Variants in PPP2R3A observed in about 807,000 individuals in gnomAD.
The protein encoded by PPP2R3A is protein phosphatase 2 regulatory subunit B''alpha.
PPP2R3A carries 80 observed loss-of-function variants against 106.9 expected under a neutral mutation model. The ratio of observed to expected loss-of-function variants is 0.75; its 90% CI spans 0.62 to 0.90. The LOEUF (loss-of-function observed/expected upper bound fraction) is 0.90, where lower values mean the gene tolerates loss of function less well. Ranked by LOEUF, PPP2R3A falls within the 40% of genes least tolerant of loss-of-function variation. The probability of loss-of-function intolerance (pLI) is 0.00; values close to 1 mark genes in which losing one functional copy is unlikely to be tolerated. For synonymous variants in PPP2R3A, 483 were observed against 468.3 expected (o/e 1.03, Z -0.41); for missense variants, 1,386 against 1,350.4 (o/e 1.03, Z -0.41).
chr3:136,073,611 G>C (rs1936508790), intron 6 of PPP2R3A, among the ~76,000 whole-genome samples: 1 of 152,134 alleles, frequency 6.6e-6, no homozygotes, highest in Non-Finnish European at 1.5e-5. Flanking sequence ...AACATAAATA[G>C]TAAACAAGAC....
At chr3:136,129,722 A>C (rs1044639002) in intron 13 of PPP2R3A, among the ~76,000 whole-genome samples, 2 of 152,212 alleles carry the variant, frequency 1.3e-5, no homozygotes, top group Non-Finnish European at 2.9e-5. Flanking sequence ...AAAAAATGAG[A>C]ATTTCCGGCC....
chr3:136,136,058 AAAAAAAAAAAAAAAATTAT>A (rs1195461756), intron 13 of PPP2R3A, among the ~76,000 whole-genome samples: 2 of 47,214 alleles, frequency 4.2e-5, no homozygotes, highest in Non-Finnish European at 1.2e-4. Flanking sequence ...AAAAAAAAAA[AAAAAAAAAAAAAAAATTAT>A]ATATATATAT....
chr3:136,065,471 TATG>T (rs900568571), intron 5 of PPP2R3A, among the ~76,000 whole-genome samples: 26 of 152,080 alleles, frequency 1.7e-4, no homozygotes, highest in Admixed American at 2.6e-4. Context: ...ACGTTTTTAT[TATG>T]GAGAATTTTG....
chr3:136,087,733 T>G, intron 8 of PPP2R3A, 150 bp from the exon 9 acceptor site: 1 of 523,862 alleles, frequency 1.9e-6, no homozygotes, highest in African/African-American at 1.9e-5. Context: ...ATATTAAAAT[T>G]ATGCGTAAAT....
intron 12 of PPP2R3A, 33 bp downstream of exon 12, chr3:136,103,409 C>A: frequency 6.8e-7 from 1 of 1,460,020 alleles, no homozygotes; most frequent in Non-Finnish European, 9.6e-7. Context: ...TATTTGAGGG[C>A]TGCAGTGTCA....
intron 6 of PPP2R3A, among the ~76,000 whole-genome samples, chr3:136,071,888 G>C (rs1039102302): frequency 6.6e-6 from 1 of 152,100 alleles, no homozygotes; most frequent in African/African-American, 2.4e-5. Context: ...TGCTTGGAAT[G>C]TTCTTCCTAC....
At chr3:135,989,678 T>A (rs952234305) in intron 1 of PPP2R3A, among the ~76,000 whole-genome samples, 1 of 152,158 alleles carries the variant, frequency 6.6e-6, no homozygotes, top group African/African-American at 2.4e-5. Flanking sequence ...TCTCATTTGC[T>A]TGTTGCTTGC....
chr3:136,041,246 TTTTGTTTTTTTTTTTG>T (rs1472417890), intron 4 of PPP2R3A, among the ~76,000 whole-genome samples: 1 of 67,642 alleles, frequency 1.5e-5, no homozygotes, highest in African/African-American at 5.9e-5. Context: ...TTGTTTTTTT[TTTTGTTTTTTTTTTTG>T]TTTTTTTTTT....
At chr3:136,137,413 G>A (rs1938661259) in intron 13 of PPP2R3A, among the ~76,000 whole-genome samples, 1 of 151,750 alleles carries the variant, frequency 6.6e-6, no homozygotes, top group Admixed American at 6.6e-5. Context: ...TTCTCAAGCA[G>A]TAACTCACAT....
intron 2 of PPP2R3A, among the ~76,000 whole-genome samples, chr3:136,023,992 A>G (rs1198941502): frequency 6.6e-6 from 1 of 152,204 alleles, no homozygotes; most frequent in Non-Finnish European, 1.5e-5. Context: ...ATAATCTCAA[A>G]TTATTTGGGT....
chr3:136,023,164 G>A (rs148564742), intron 2 of PPP2R3A: 76 of 1,613,426 alleles, frequency 4.7e-5, no homozygotes, highest in Non-Finnish European at 5.5e-5. Flanking sequence ...CTCCCTTCAC[G>A]GTTTAAGAAG....
At chr3:136,130,108 G>T (rs950677177) in intron 13 of PPP2R3A, among the ~76,000 whole-genome samples, 1 of 152,150 alleles carries the variant, frequency 6.6e-6, no homozygotes, top group Admixed American at 6.5e-5. Context: ...ACCGGCACGA[G>T]ACAAGGATGC....
At chr3:136,029,992 G>A (rs532417465) in intron 3 of PPP2R3A, among the ~76,000 whole-genome samples, 35 of 152,276 alleles carry the variant, frequency 2.3e-4, no homozygotes, top group African/African-American at 7.5e-4. Context: ...CAGGAGAATC[G>A]CTTGAGCCTG....
At chr3:135,974,254 CTT>C (rs1432029916) in intron 1 of PPP2R3A, among the ~76,000 whole-genome samples, 1 of 152,164 alleles carries the variant, frequency 6.6e-6, no homozygotes, top group Non-Finnish European at 1.5e-5. Context: ...CTTATTGACT[CTT>C]ATTTCCTTGG....
chr3:136,070,618 C>A, intron 6 of PPP2R3A, 66 bp downstream of exon 6: 1 of 1,344,582 alleles, frequency 7.4e-7, no homozygotes, highest in Non-Finnish European at 1.0e-6. Flanking sequence ...CATCTGCTAT[C>A]CAGAATTTCA....
At chr3:136,066,626 A>G (rs6771950) in intron 5 of PPP2R3A, among the ~76,000 whole-genome samples, 55,775 of 152,000 alleles carry the variant, frequency 0.37, 11,818 homozygotes, top group African/African-American at 0.59. Flanking sequence ...CAATCATGGC[A>G]GAAGGACAAG....
chr3:136,077,750 C>G lies in PPP2R3A; in HGVS notation c.2545-617C>G, dbSNP rs1239147687. 7.9e-5 allele frequency among the ~76,000 whole-genome samples: 12 copies of G among 152,278 alleles called. 1 individual carries two copies. In the South Asian group the frequency reaches 2.3e-3, roughly 29 times the overall value. On this transcript the variant is annotated intron_variant, in intron 6 of 13. Coordinates refer to ENST00000264977, the MANE Select transcript of PPP2R3A (RefSeq NM_002718.5). ...ATTTGCTTCTTATCTCCTCTTCTCCCATTCTATCCAAGGTTTTCTCCAGAG... is the reference window on the plus strand; with the variant it reads ...ATTTGCTTCTTATCTCCTCTTCTCCGATTCTATCCAAGGTTTTCTCCAGAG...
chr3:136,032,283 T>G (rs1396127805), intron 3 of PPP2R3A, among the ~76,000 whole-genome samples: 2 of 152,148 alleles, frequency 1.3e-5, no homozygotes, highest in Non-Finnish European at 2.9e-5. Context: ...TTGTTTGTTT[T>G]TTGCAGCTGT....
chr3:136,061,397 G>A (rs1427093531), intron 5 of PPP2R3A, among the ~76,000 whole-genome samples: 3 of 152,132 alleles, frequency 2.0e-5, no homozygotes, highest in African/African-American at 7.2e-5. Context: ...GGAAGCCAAG[G>A]CGGGCGGATC....
Sources: allele counts gnomAD v4.1 joint callset (sites outside exome capture counted in the v4.1 genomes callset), GRCh38; gene constraint gnomAD v4.1.1; transcripts MANE v1.5; gene names NCBI Gene and HGNC (gene_info 2026-07-23, HGNC 2026-07-21).